The following TENM2 variants were observed in gnomAD, a reference collection of about 807,000 sequenced individuals.
The protein encoded by TENM2 is teneurin-2.
Under a neutral mutation model 245.2 loss-of-function variants are expected in TENM2, and 52 were observed. The observed-to-expected ratio is 0.21, with a 90% CI of 0.17 to 0.27. TENM2 has a LOEUF of 0.27. Ranked by LOEUF, TENM2 falls within the 10% of genes least tolerant of loss-of-function variation. TENM2 has a pLI of 1.00. For synonymous variants in TENM2, 1,363 were observed against 1,438.9 expected (o/e 0.95, Z 1.19); for missense variants, 3,046 against 3,666.8 (o/e 0.83, Z 4.37).
At chr5:167,621,673 T>G (rs1778183564) in intron 2 of TENM2, among the ~76,000 whole-genome samples, 1 of 152,094 alleles carries the variant, frequency 6.6e-6, no homozygotes. Context: ...ACTACCTCAT[T>G]CATTATCACA....
intron 2 of TENM2, among the ~76,000 whole-genome samples, chr5:167,481,953 A>G (rs548150475): frequency 3.3e-5 from 5 of 152,284 alleles, no homozygotes; most frequent in African/African-American, 9.6e-5. Context: ...AATATTTCCT[A>G]TCTAGACCTT....
the TENM2 span, among the ~76,000 whole-genome samples, chr5:167,261,401 A>C: frequency 1.3e-5 from 2 of 152,150 alleles, no homozygotes; most frequent in Admixed American, 6.6e-5. Context: ...CTGTTTTCAG[A>C]ATTCCATGAG....
intron 2 of TENM2, among the ~76,000 whole-genome samples, chr5:167,643,729 A>G (rs866941886): frequency 1.3e-5 from 2 of 152,226 alleles, no homozygotes; most frequent in Admixed American, 1.3e-4. Flanking sequence ...TAATAATTTC[A>G]CAATAGATTA....
At chr5:167,205,236 C>G in the TENM2 span, among the ~76,000 whole-genome samples, 1 of 152,094 alleles carries the variant, frequency 6.6e-6, no homozygotes, top group Non-Finnish European at 1.5e-5. Context: ...CAAAAATTAG[C>G]TGGGCATGGT....
At chr5:167,197,126 C>T in the TENM2 span, among the ~76,000 whole-genome samples, 1 of 152,002 alleles carries the variant, frequency 6.6e-6, no homozygotes. Flanking sequence ...TAGAGATAGA[C>T]ATTATTAAAA....
intron 2 of TENM2, chr5:167,660,323 G>A (rs1018978748): frequency 6.6e-6 from 1 of 151,964 alleles, no homozygotes; most frequent in Non-Finnish European, 1.5e-5. Flanking sequence ...AAATTAGCCA[G>A]GAGTGGTGGC....
chr5:168,030,564 T>C (rs1385604305), intron 5 of TENM2, among the ~76,000 whole-genome samples: 1 of 152,158 alleles, frequency 6.6e-6, no homozygotes, highest in Non-Finnish European at 1.5e-5. Flanking sequence ...CTGATTCTGC[T>C]GGTCTGGGAA....
chr5:167,508,608 G>A (rs1582240416), intron 2 of TENM2, among the ~76,000 whole-genome samples: 2 of 152,174 alleles, frequency 1.3e-5, no homozygotes, highest in South Asian at 4.1e-4. Context: ...CATGCAAGGT[G>A]GTGTATACTG....
At chr5:167,280,252 G>A (rs904915291), upstream of TENM2, among the ~76,000 whole-genome samples, 1 of 152,186 alleles carries the variant, frequency 6.6e-6, no homozygotes, top group African/African-American at 2.4e-5. Context: ...CTTCAGCACT[G>A]CACTACATGG....
intron 2 of TENM2, among the ~76,000 whole-genome samples, chr5:167,429,035 G>A (rs1764046974): frequency 6.6e-6 from 1 of 152,050 alleles, no homozygotes; most frequent in Non-Finnish European, 1.5e-5. Flanking sequence ...TTATACACGT[G>A]TGTTTTTTTC....
the TENM2 span, among the ~76,000 whole-genome samples, chr5:167,127,628 T>TAA: frequency 5.7e-5 from 7 of 123,098 alleles, no homozygotes; most frequent in African/African-American, 1.9e-4. Flanking sequence ...TTTTTTTTTT[T>TAA]AAAAAAAAAA....
At chr5:167,921,750 C>T (rs1395000865) in intron 3 of TENM2, among the ~76,000 whole-genome samples, 1 of 152,104 alleles carries the variant, frequency 6.6e-6, no homozygotes, top group Admixed American at 6.5e-5. Flanking sequence ...AAAAATAAAA[C>T]AATGAAAATC....
the TENM2 span, among the ~76,000 whole-genome samples, chr5:167,208,586 T>G: frequency 1.3e-5 from 2 of 152,334 alleles, no homozygotes; most frequent in Non-Finnish European, 2.9e-5. Context: ...GTAAGTCAGT[T>G]TATTTTGATA....
the TENM2 span, among the ~76,000 whole-genome samples, chr5:167,056,977 C>A: frequency 2.6e-5 from 4 of 151,886 alleles, no homozygotes; most frequent in Admixed American, 1.3e-4. Context: ...TATGTTACAT[C>A]TTTTGTATGT....
At chr5:167,811,398 T>A (rs1348061164) in intron 2 of TENM2, among the ~76,000 whole-genome samples, 2 of 152,042 alleles carry the variant, frequency 1.3e-5, no homozygotes, top group East Asian at 3.9e-4. Flanking sequence ...TCTCTCTTGC[T>A]CCTGACCCCA....
intron 2 of TENM2, among the ~76,000 whole-genome samples, chr5:167,552,582 C>A (rs1423975397): frequency 2.0e-5 from 3 of 152,296 alleles, no homozygotes; most frequent in Middle Eastern, 6.8e-3. Flanking sequence ...CACCTATTGA[C>A]ATTGTAGCCT....
the TENM2 span, among the ~76,000 whole-genome samples, chr5:167,237,425 G>A: frequency 1.3e-5 from 2 of 152,162 alleles, no homozygotes; most frequent in Non-Finnish European, 2.9e-5. Flanking sequence ...CATTGTATTG[G>A]AGTTGTTATT....
At chr5:167,859,378 T>TA (rs1771454744) in intron 2 of TENM2, among the ~76,000 whole-genome samples, 1 of 91,204 alleles carries the variant, frequency 1.1e-5, no homozygotes, top group African/African-American at 4.3e-5. Flanking sequence ...GGGAGGGAGG[T>TA]GGGGGGGGTC....
At chr5:167,801,038 G>A (rs1297892008) in intron 2 of TENM2, among the ~76,000 whole-genome samples, 2 of 143,140 alleles carry the variant, frequency 1.4e-5, no homozygotes, top group Admixed American at 1.4e-4. Context: ...TTCGAATAAA[G>A]GTCTTTGACC....
Sources: allele counts gnomAD v4.1 joint callset (sites outside exome capture counted in the v4.1 genomes callset), GRCh38; gene constraint gnomAD v4.1.1; transcripts MANE v1.5; gene names NCBI Gene and HGNC (gene_info 2026-07-23, HGNC 2026-07-21).